ALCAM: variants seen among roughly 807,000 people sequenced by gnomAD.
ALCAM encodes the protein CD166 antigen.
In ALCAM, 30 loss-of-function variants were observed where a neutral mutation model predicts 70.9. The ratio of observed to expected loss-of-function variants is 0.42; its 90% CI spans 0.32 to 0.57. The LOEUF is 0.57. ALCAM is among the 20% of genes least tolerant of loss of function. The pLI is 0.11. For missense variants in ALCAM, 591 were observed against 695.1 expected (o/e 0.85, Z 1.68); for synonymous variants, 249 against 242.5 (o/e 1.03, Z -0.25).
intron 1 of ALCAM, among the ~76,000 whole-genome samples, chr3:105,378,453 A>G (rs960212599): frequency 1.3e-5 from 2 of 151,882 alleles, no homozygotes; most frequent in Non-Finnish European, 2.9e-5. Flanking sequence ...AAGAATGTTT[A>G]TGGTGATTTT....
In ALCAM at chr3:105,547,275, A is replaced by G; in HGVS notation, c.1231A>G (p.Ile411Val). The G allele has an allele frequency of 6.3e-7, 1 of 1,592,034 alleles. No homozygotes were observed. Among genetic ancestry groups the G allele is most frequent in the Non-Finnish European group, 8.5e-7 (1 of 1,171,264 alleles). The change falls in exon 10 of 16, where the codon ATT becomes GTT. Residue 411 changes from isoleucine (I) to valine (V), a missense_variant. By Grantham distance (29) the Ile-to-Val change is conservative. Transcript: ENST00000306107. ...GLKKRESLTLIVEGKPQIKMT... is the reference protein window; with the variant it reads ...GLKKRESLTLVVEGKPQIKMT... ...AAAGAAAAGAGAGTCATTGACTCTC[A>G]TTGTAGAAGGTAATAAAATACTTGG...
intron 1 of ALCAM, among the ~76,000 whole-genome samples, chr3:105,509,393 A>G (rs1389227279): frequency 1.3e-5 from 2 of 151,920 alleles, no homozygotes; most frequent in African/African-American, 2.4e-5. Flanking sequence ...TGTTTTTTCA[A>G]TAAGAACCAT....
chr3:105,375,356 G>A (rs894916261), intron 1 of ALCAM, among the ~76,000 whole-genome samples: 2 of 152,056 alleles, frequency 1.3e-5, no homozygotes, highest in Non-Finnish European at 2.9e-5. Flanking sequence ...TTATGTCTTG[G>A]AGTACTTCAC....
intron 1 of ALCAM, among the ~76,000 whole-genome samples, chr3:105,458,779 G>A (rs1169761307): frequency 3.9e-5 from 6 of 152,162 alleles, no homozygotes; most frequent in Non-Finnish European, 7.4e-5. Flanking sequence ...ACAGCATTTC[G>A]CTTCTGAAAT....
Position 105,463,056 on chromosome 3 carries a change from C to T in ALCAM, c.74-57011C>T, listed in dbSNP as rs1002990521. 4.0e-5 allele frequency among the ~76,000 whole-genome samples: 6 copies of T among 151,440 alleles called. No homozygotes were observed. In the East Asian group the frequency reaches 5.8e-4, roughly 15 times the overall value. On this transcript the variant is annotated intron_variant, in intron 1 of 15. Transcript: ENST00000306107. Reference sequence around the variant, plus strand: ...TTAAAAGCTAGTCTTTCATAGCTGACGTACTACATAACAAATACAATACAT... The same window carrying T: ...TTAAAAGCTAGTCTTTCATAGCTGATGTACTACATAACAAATACAATACAT...
At chr3:105,404,051 G>GA (rs897026346) in intron 1 of ALCAM, among the ~76,000 whole-genome samples, 7 of 150,774 alleles carry the variant, frequency 4.6e-5, no homozygotes, top group South Asian at 2.1e-4. Context: ...AAAAAGAATG[G>GA]AAAAAAAATG....
At chr3:105,448,652 G>T (rs1038496646) in intron 1 of ALCAM, among the ~76,000 whole-genome samples, 19 of 152,156 alleles carry the variant, frequency 1.2e-4, no homozygotes, top group Admixed American at 1.1e-3. Context: ...CAGGAATTCA[G>T]TCAGGACTCT....
chr3:105,483,396 A>C (rs1938327228), intron 1 of ALCAM, among the ~76,000 whole-genome samples: 1 of 152,120 alleles, frequency 6.6e-6, no homozygotes, highest in Non-Finnish European at 1.5e-5. Context: ...GTGATTGATT[A>C]GATGTGGGTG....
chr3:105,507,340 G>C (rs779239385), intron 1 of ALCAM, among the ~76,000 whole-genome samples: 5 of 151,982 alleles, frequency 3.3e-5, no homozygotes, highest in Non-Finnish European at 7.4e-5. Flanking sequence ...TATGGGTTTC[G>C]ACAAACACTT....
chr3:105,531,857 A>G (rs13079964), intron 3 of ALCAM, 145 bp from the exon 4 acceptor site: 39,507 of 739,612 alleles, frequency 0.053, 1,295 homozygotes, highest in South Asian at 0.077. Context: ...GATTCCCCAA[A>G]TCCAGATTGT....
chr3:105,559,673 C>T (rs1213437798), intron 14 of ALCAM, among the ~76,000 whole-genome samples: 2 of 152,120 alleles, frequency 1.3e-5, no homozygotes, highest in Admixed American at 6.5e-5. Context: ...AGATAAAGAG[C>T]ATTACATCAC....
intron 1 of ALCAM, among the ~76,000 whole-genome samples, chr3:105,447,663 A>G (rs1186001863): frequency 6.6e-6 from 1 of 152,180 alleles, no homozygotes; most frequent in African/African-American, 2.4e-5. Flanking sequence ...AGTGAGCCAT[A>G]ATCATGCCAC....
intron 6 of ALCAM, among the ~76,000 whole-genome samples, chr3:105,538,188 T>C (rs2152628427): frequency 6.6e-6 from 1 of 152,178 alleles, no homozygotes; most frequent in South Asian, 2.1e-4. Context: ...CCAAGTGAAA[T>C]TTGATGGCAT....
At chr3:105,378,679 T>C (rs943869382) in intron 1 of ALCAM, among the ~76,000 whole-genome samples, 1 of 151,706 alleles carries the variant, frequency 6.6e-6, no homozygotes, top group Non-Finnish European at 1.5e-5. Context: ...ATTAAATAGC[T>C]TCTCTGATCA....
chr3:105,476,128 C>T (rs761272721), intron 1 of ALCAM, among the ~76,000 whole-genome samples: 2 of 152,020 alleles, frequency 1.3e-5, no homozygotes, highest in Non-Finnish European at 2.9e-5. Context: ...CTGGTGCATT[C>T]CAAGCTATTG....
At chr3:105,428,823 G>A (rs1433149379) in intron 1 of ALCAM, among the ~76,000 whole-genome samples, 1 of 151,792 alleles carries the variant, frequency 6.6e-6, no homozygotes, top group African/African-American at 2.4e-5. Flanking sequence ...AAAACAATGT[G>A]GTGCTACTAG....
At chr3:105,454,528 G>A (rs1042694216) in intron 1 of ALCAM, among the ~76,000 whole-genome samples, 5 of 152,076 alleles carry the variant, frequency 3.3e-5, no homozygotes, top group Non-Finnish European at 7.4e-5. Context: ...AGTTGACCCT[G>A]AGTCGGTCTG....
chr3:105,423,299 A>G (rs1298029839), intron 1 of ALCAM, among the ~76,000 whole-genome samples: 1 of 151,406 alleles, frequency 6.6e-6, no homozygotes, highest in Non-Finnish European at 1.5e-5. Context: ...AACAATAAAT[A>G]TTGTGACAAA....
intron 1 of ALCAM, among the ~76,000 whole-genome samples, chr3:105,474,166 A>G (rs928540113): frequency 2.0e-5 from 3 of 151,700 alleles, no homozygotes; most frequent in Non-Finnish European, 4.4e-5. Flanking sequence ...TGTTTTTCCA[A>G]CAACATCAAA....
Sources: gnomAD v4.1 joint callset for allele counts (sites outside exome capture counted in the v4.1 genomes callset) on GRCh38, gnomAD v4.1.1 for gene constraint, MANE v1.5 for transcripts, NCBI Gene and HGNC (gene_info 2026-07-23, HGNC 2026-07-21) for gene names.